The following PCDHA8 variants were observed in gnomAD, a reference collection of about 807,000 sequenced individuals.
PCDHA8 encodes protocadherin alpha 8.
PCDHA8 carries 53 observed loss-of-function variants against 61.8 expected under a neutral mutation model. The observed-to-expected ratio is 0.86, with a 90% CI of 0.69 to 1.08. The LOEUF (loss-of-function observed/expected upper bound fraction) is 1.08. PCDHA8 is among the 50% of genes least tolerant of loss of function. The probability of loss-of-function intolerance (pLI) is 0.00; values close to 1 mark genes in which losing one functional copy is unlikely to be tolerated. For synonymous variants in PCDHA8, 618 were observed against 556.6 expected (o/e 1.11, Z -1.55); for missense variants, 1,293 against 1,245.0 (o/e 1.04, Z -0.58).
chr5:140,850,026 C>T (rs2150464054), intron 1 of PCDHA8: 2 of 1,596,828 alleles, frequency 1.3e-6, no homozygotes, highest in Non-Finnish European at 1.7e-6. Context: ...CGTGTCAGTG[C>T]ACGCGGAGAG....
At chr5:140,975,543 T>C (rs1276340507) in intron 1 of PCDHA8, among the ~76,000 whole-genome samples, 2 of 152,206 alleles carry the variant, frequency 1.3e-5, no homozygotes, top group African/African-American at 4.8e-5. Context: ...AATACAGTCC[T>C]ATTAGGAAGG....
intron 1 of PCDHA8, chr5:140,867,317 CTAA>C (rs1554161223): frequency 6.6e-6 from 1 of 151,956 alleles, no homozygotes; most frequent in African/African-American, 2.4e-5. Flanking sequence ...GTCATCTGGT[CTAA>C]TGTTATGTTT....
chr5:140,942,590 A>G (rs868979857), intron 1 of PCDHA8, among the ~76,000 whole-genome samples: 1 of 148,658 alleles, frequency 6.7e-6, no homozygotes, highest in Admixed American at 6.8e-5. Context: ...GATGTCACAT[A>G]TAATTATAGT....
At chr5:140,850,883 T>G in intron 1 of PCDHA8, 1 of 1,582,476 alleles carries the variant, frequency 6.3e-7, no homozygotes, top group Non-Finnish European at 8.6e-7. Context: ...CAGATTCAAC[T>G]GGGAAGGTGG....
intron 2 of PCDHA8, chr5:140,982,263 C>A: frequency 1.2e-6 from 1 of 858,968 alleles, no homozygotes; most frequent in Non-Finnish European, 1.7e-6. Flanking sequence ...ATGTGTGTTC[C>A]TGGAATAGTA....
rs58232896 is a variant in PCDHA8 at position 140,946,262 on chromosome 5, C to T, written c.2395-32687C>T. Among the ~76,000 whole-genome samples the T allele has an allele frequency of 3.4e-3, 520 of 151,790 alleles. 2 individuals are homozygous for T. Among genetic ancestry groups the T allele is most frequent in the African/African-American group, 0.012 (483 of 41,394 alleles). On this transcript the variant is annotated intron_variant, in intron 1 of 3. Transcript: ENST00000531613. Reference sequence around the variant, plus strand: ...AACATCATGAATCATCAGAAAAATGCGAATTAAAACCCCAATGAGATATCA... The same window carrying T: ...AACATCATGAATCATCAGAAAAATGTGAATTAAAACCCCAATGAGATATCA...
intron 1 of PCDHA8, chr5:140,848,337 C>A (rs1402833811): frequency 1.3e-5 from 11 of 873,306 alleles, no homozygotes; most frequent in South Asian, 1.7e-5. Context: ...TGAATCCAGA[C>A]AAATACAGCC....
At position 140,843,222 on chromosome 5, in the gene PCDHA8, C is replaced by G; in HGVS notation, c.1901C>G (p.Thr634Ser). 6.3e-7 allele frequency: 1 copy of G among 1,596,168 alleles called. No individual in the cohort carries two copies. The highest frequency in any genetic ancestry group is 8.6e-7 in the Non-Finnish European group (1 of 1,165,638). ...CTGTACACGGGCGAGATCAGCACCA[C>G]TCGTGTCCTGGACGAAGCGGACTCT... ...VGLYTGEIST[T>S]RVLDEADSPR... Residue 634 changes from threonine to serine, a missense_variant, in exon 1 of 4, where the codon ACT becomes AGT. By Grantham distance (58) the Thr-to-Ser change is moderately conservative (BLOSUM62 1). Coordinates refer to ENST00000531613, the MANE Select transcript of PCDHA8 (RefSeq NM_018911.3).
intron 1 of PCDHA8, chr5:140,928,844 C>T (rs782361945): frequency 1.2e-6 from 2 of 1,614,168 alleles, no homozygotes; most frequent in Non-Finnish European, 1.7e-6. Flanking sequence ...TCCTCTGTCA[C>T]TCTGGGTGTG....
chr5:140,890,543 CTGAG>C (rs1391853747), intron 1 of PCDHA8, among the ~76,000 whole-genome samples: 1 of 152,012 alleles, frequency 6.6e-6, no homozygotes, highest in African/African-American at 2.4e-5. Context: ...TTTGAAATGA[CTGAG>C]TACTTTTTAT....
chr5:140,848,333 CAG>C, intron 1 of PCDHA8: 1 of 843,614 alleles, frequency 1.2e-6, no homozygotes, highest in African/African-American at 1.7e-5. Flanking sequence ...TCTCTGAATC[CAG>C]ACAAATACAG....
intron 1 of PCDHA8, among the ~76,000 whole-genome samples, chr5:140,957,527 T>C (rs1441282290): frequency 6.6e-6 from 1 of 152,138 alleles, no homozygotes; most frequent in African/African-American, 2.4e-5. Context: ...AGACATTCAG[T>C]GGGGATCTTA....
At chr5:140,967,944 A>T in intron 1 of PCDHA8, 1 of 1,614,088 alleles carries the variant, frequency 6.2e-7, no homozygotes, top group Non-Finnish European at 8.5e-7. Flanking sequence ...AATGACCAAG[A>T]CTCAGGCCCC....
At chr5:141,005,302 G>T (rs940194498) in intron 3 of PCDHA8, among the ~76,000 whole-genome samples, 1 of 152,160 alleles carries the variant, frequency 6.6e-6, no homozygotes, top group Non-Finnish European at 1.5e-5. Context: ...TTGCCTTTGT[G>T]AATCTTACAG....
chr5:140,868,170 A>G (rs926308746), intron 1 of PCDHA8: 1 of 152,132 alleles, frequency 6.6e-6, no homozygotes, highest in Non-Finnish European at 1.5e-5. Flanking sequence ...CTAAATTTTG[A>G]TATCTCATAT....
intron 1 of PCDHA8, chr5:140,850,611 G>C (rs1353719119): frequency 6.3e-7 from 1 of 1,598,588 alleles, no homozygotes; most frequent in Non-Finnish European, 8.6e-7. Flanking sequence ...CGCCATCTGC[G>C]CGGTGTCTAG....
chr5:140,895,500 G>A (rs1554186539), intron 1 of PCDHA8, among the ~76,000 whole-genome samples: 2 of 152,046 alleles, frequency 1.3e-5, no homozygotes, highest in African/African-American at 2.4e-5. Context: ...CAGAACTTTT[G>A]CCCAATTTTT....
At chr5:140,910,907 G>T (rs1554194477) in intron 1 of PCDHA8, among the ~76,000 whole-genome samples, 3 of 152,102 alleles carry the variant, frequency 2.0e-5, no homozygotes, top group Admixed American at 2.0e-4. Flanking sequence ...CTGTCCTCCA[G>T]ATTTTTGCTT....
intron 1 of PCDHA8, chr5:140,928,995 C>T (rs1554206548): frequency 1.2e-6 from 2 of 1,613,798 alleles, no homozygotes; most frequent in Non-Finnish European, 1.7e-6. Flanking sequence ...GCTTACTTTT[C>T]TTCGTGTGTA....
Sources: gnomAD v4.1 joint callset for allele counts (sites outside exome capture counted in the v4.1 genomes callset) on GRCh38, gnomAD v4.1.1 for gene constraint, MANE v1.5 for transcripts, NCBI Gene and HGNC (gene_info 2026-07-23, HGNC 2026-07-21) for gene names.